The following CKAP5 variants were observed in gnomAD, a reference collection of about 807,000 sequenced individuals.
CKAP5 encodes the protein cytoskeleton-associated protein 5.
A neutral mutation model predicts 232.8 loss-of-function variants in CKAP5; 27 were observed. The observed-to-expected ratio is 0.12, with a 90% CI of 0.09 to 0.16. The LOEUF is 0.16. Among genes scored for constraint, CKAP5 ranks in the 10% least tolerant of loss-of-function variants. The pLI, the probability that CKAP5 is intolerant of heterozygous loss-of-function variation, is 1.00. For missense variants in CKAP5, 1,838 were observed against 2,424.7 expected (o/e 0.76, Z 5.08); for synonymous variants, 785 against 841.1 (o/e 0.93, Z 1.16).
At chr11:46,782,679 C>A (rs2065354451) in intron 18 of CKAP5, among the ~76,000 whole-genome samples, 1 of 152,126 alleles carries the variant, frequency 6.6e-6, no homozygotes, top group African/African-American at 2.4e-5. Flanking sequence ...ATGATGGGCC[C>A]AAATTACTTA....
intron 35 of CKAP5, among the ~76,000 whole-genome samples, chr11:46,758,218 T>C (rs1011991386): frequency 6.6e-6 from 1 of 152,172 alleles, no homozygotes; most frequent in African/African-American, 2.4e-5. Flanking sequence ...TCCAGGCACA[T>C]GAACCTTCTC....
In CKAP5 at chr11:46,765,146, A is replaced by G. The variant is rs1178853263; in HGVS notation, c.3522T>C (p.Asp1174=). Residue 1174 remains aspartate (D), a synonymous_variant, in exon 28 of 44, where the codon GAT becomes GAC. Transcript: ENST00000529230. ...VPNGKEQRMK[D]EKGLKVLKWN... Reference sequence around the variant, plus strand: ...CCTTCCTTACCTTCAATCCTTTTTCATCTTTCATCCTTTGCTCTTTTCCAT... The same window carrying G: ...CCTTCCTTACCTTCAATCCTTTTTCGTCTTTCATCCTTTGCTCTTTTCCAT... 1 of 1,611,412 alleles carries G rather than the reference A, an allele frequency of 6.2e-7. No homozygotes were observed. Among genetic ancestry groups the G allele is most frequent in the Admixed American group, 1.7e-5 (1 of 59,414 alleles).
At chr11:46,756,842 A>C (rs1592436011) in intron 35 of CKAP5, among the ~76,000 whole-genome samples, 2 of 141,632 alleles carry the variant, frequency 1.4e-5, no homozygotes, top group African/African-American at 2.7e-5. Flanking sequence ...AGCAACCTCC[A>C]CCTCCCGGGT....
Position 46,778,468 on chromosome 11 carries a change from C to A in CKAP5, c.2565G>T (p.Thr855=). The part of the protein sequence containing the change: ...SNDVVDLLPR[T]EISDKITSEL... ...CACAGACTGGAACCTACCTGATCTCCGTCCTCGGCAAAAGATCAACGACAT... is the reference window on the plus strand; with the variant it reads ...CACAGACTGGAACCTACCTGATCTCAGTCCTCGGCAAAAGATCAACGACAT... The change falls in exon 21 of 44, where the codon ACG becomes ACT. Residue 855 remains threonine, a synonymous_variant. Coordinates refer to ENST00000529230, the MANE Select transcript of CKAP5 (RefSeq NM_001008938.4). The A allele has an allele frequency of 6.2e-7, 1 of 1,614,120 alleles. No homozygotes were observed. Among genetic ancestry groups the A allele is most frequent in the Non-Finnish European group, 8.5e-7 (1 of 1,180,006 alleles).
intron 17 of CKAP5, among the ~76,000 whole-genome samples, chr11:46,784,123 C>A (rs7941894): frequency 0.64 from 97,561 of 151,530 alleles, 33,061 homozygotes; most frequent in Non-Finnish European, 0.77. Flanking sequence ...AATCCCAGCA[C>A]TTTGGGAGGC....
chr11:46,845,756 C>A (rs1199639827), intron 1 of CKAP5, among the ~76,000 whole-genome samples: 1 of 152,264 alleles, frequency 6.6e-6, no homozygotes, highest in Admixed American at 6.5e-5. Flanking sequence ...CGGCCAGGCC[C>A]CGGTGCCGCT....
intron 1 of CKAP5, among the ~76,000 whole-genome samples, chr11:46,822,525 G>C (rs933775995): frequency 1.3e-5 from 2 of 152,110 alleles, no homozygotes; most frequent in African/African-American, 4.8e-5. Context: ...AGGCCGAGCC[G>C]GGCGGATCAC....
At chr11:46,813,410 GA>G (rs1379094583) in intron 4 of CKAP5, among the ~76,000 whole-genome samples, 1 of 151,226 alleles carries the variant, frequency 6.6e-6, no homozygotes, top group Non-Finnish European at 1.5e-5. Context: ...CCTTCTGTAA[GA>G]AAAAAAAGAT....
At chr11:46,749,950 C>T (rs1342695479) in intron 42 of CKAP5, among the ~76,000 whole-genome samples, 1 of 149,682 alleles carries the variant, frequency 6.7e-6, no homozygotes, top group African/African-American at 2.5e-5. Flanking sequence ...AAAAAGAGGT[C>T]AGAGCAAGTG....
At chr11:46,803,518 T>C (rs1290430574) in intron 8 of CKAP5, among the ~76,000 whole-genome samples, 1 of 152,090 alleles carries the variant, frequency 6.6e-6, no homozygotes, top group Admixed American at 6.6e-5. Context: ...TCAGCCCGCC[T>C]CGGCCTCCCA....
At chr11:46,804,660 A>AAATT (rs1939112411) in intron 8 of CKAP5, among the ~76,000 whole-genome samples, 1 of 152,172 alleles carries the variant, frequency 6.6e-6, no homozygotes, top group African/African-American at 2.4e-5. Flanking sequence ...CACCGTTGAC[A>AAATT]GAGGAAAGGA....
chr11:46,811,125 T>C lies in CKAP5; in HGVS notation c.512A>G (p.Lys171Arg). 1.2e-6 allele frequency: 2 copies of C among 1,614,076 alleles called. No homozygotes were observed. The highest frequency in any genetic ancestry group is 1.7e-6 in the Non-Finnish European group (2 of 1,180,000). The change falls in exon 5 of 44, where the codon AAA (lysine) becomes AGA (arginine). Residue 171 changes from lysine to arginine, a missense_variant. Coordinates refer to ENST00000529230, the MANE Select transcript of CKAP5 (RefSeq NM_001008938.4). ...LLKPIIKVLPKLFESREKAVR... is the reference protein window; with the variant it reads ...LLKPIIKVLPRLFESREKAVR... ...AGCCTTCTCTCGAGACTCAAAGAGT[T>C]TTGGCAACACTTTGATAATTGGCTT...
intron 12 of CKAP5, 24 bp from the exon 13 acceptor site, chr11:46,795,800 C>A: frequency 1.3e-6 from 2 of 1,592,250 alleles, no homozygotes; most frequent in Non-Finnish European, 1.7e-6. Flanking sequence ...GTGAGATGAA[C>A]ATCATTAAGC....
chr11:46,818,270 CAG>C lies in CKAP5; in HGVS notation c.251+38_251+39del, dbSNP rs754232569. 307 of 1,462,632 alleles carry C rather than the reference CAG, an allele frequency of 2.1e-4. 1 individual carries two copies. Among genetic ancestry groups the C allele is most frequent in the Non-Finnish European group, 2.6e-4 (284 of 1,085,246 alleles). 90.6% of individuals were successfully genotyped at this position (1,462,632 alleles called of 1,614,324 possible). ...CAAACATACATTATGTAACACCAAA[CAG>C]GGGTTTTTATCAGTAAAGTTGGAAA... On this transcript the variant is annotated intron_variant, in intron 3 of 43. Coordinates refer to ENST00000529230, the MANE Select transcript of CKAP5 (RefSeq NM_001008938.4).
intron 27 of CKAP5, 34 bp downstream of exon 27, chr11:46,767,541 C>G (rs373770836): frequency 4.3e-5 from 58 of 1,355,452 alleles, no homozygotes; most frequent in Non-Finnish European, 5.7e-5. Flanking sequence ...TATTTAAAAG[C>G]AAGTCTACAT....
intron 29 of CKAP5, 36 bp from the exon 30 acceptor site, chr11:46,763,215 G>A: frequency 1.4e-6 from 2 of 1,458,340 alleles, no homozygotes; most frequent in Non-Finnish European, 1.9e-6. Flanking sequence ...CCACAAATAA[G>A]AATAATCAAA....
At chr11:46,745,591 T>G (rs936467006) in intron 42 of CKAP5, among the ~76,000 whole-genome samples, 1 of 152,190 alleles carries the variant, frequency 6.6e-6, no homozygotes, top group Admixed American at 6.5e-5. Context: ...TGGCATACTG[T>G]TGGACATTCT....
At chr11:46,756,323 A>G (rs1199045363) in intron 35 of CKAP5, among the ~76,000 whole-genome samples, 1 of 152,206 alleles carries the variant, frequency 6.6e-6, no homozygotes, top group African/African-American at 2.4e-5. Context: ...TGCCATGCAT[A>G]TAATCTTATC....
At chr11:46,843,613 C>T (rs903860934) in intron 1 of CKAP5, among the ~76,000 whole-genome samples, 13 of 151,616 alleles carry the variant, frequency 8.6e-5, no homozygotes, top group African/African-American at 3.2e-4. Flanking sequence ...CGTCTGTAGT[C>T]CCAGCTACCG....
Sources: allele counts gnomAD v4.1 joint callset (sites outside exome capture counted in the v4.1 genomes callset), GRCh38; gene constraint gnomAD v4.1.1; transcripts MANE v1.5; gene names NCBI Gene and HGNC (gene_info 2026-07-23, HGNC 2026-07-21).